USP34: variants seen among roughly 807,000 people sequenced by gnomAD.
USP34 encodes ubiquitin specific peptidase 34.
Under a neutral mutation model 460.3 loss-of-function variants are expected in USP34, and 70 were observed. The ratio of observed to expected loss-of-function variants is 0.15; its 90% CI spans 0.13 to 0.19. The LOEUF (loss-of-function observed/expected upper bound fraction) is 0.19, where lower values mean the gene tolerates loss of function less well. Ranked by LOEUF, USP34 falls within the 10% of genes least tolerant of loss-of-function variation. The pLI, the probability that USP34 is intolerant of heterozygous loss-of-function variation, is 1.00. For synonymous variants in USP34, 1,647 were observed against 1,405.3 expected (o/e 1.17, Z -3.85); for missense variants, 3,985 against 4,236.2 (o/e 0.94, Z 1.65).
At chr2:61,221,112 G>A (rs1176161055) in intron 66 of USP34, among the ~76,000 whole-genome samples, 1 of 152,164 alleles carries the variant, frequency 6.6e-6, no homozygotes, top group Non-Finnish European at 1.5e-5. Flanking sequence ...CTGTCCCCTG[G>A]TCTTGAGCTT....
chr2:61,321,514 T>C (rs974691440), intron 21 of USP34, among the ~76,000 whole-genome samples: 7 of 152,170 alleles, frequency 4.6e-5, no homozygotes, highest in Admixed American at 1.3e-4. Flanking sequence ...GTATTTCTTA[T>C]GTCATCCTAT....
intron 23 of USP34, among the ~76,000 whole-genome samples, chr2:61,315,374 AT>A (rs776500310): frequency 2.6e-3 from 370 of 143,922 alleles, no homozygotes; most frequent in Non-Finnish European, 3.3e-3. Context: ...TTCTCACCCA[AT>A]TTTTTTTTTT....
At chr2:61,350,803 T>C in intron 10 of USP34, 110 bp from the exon 11 acceptor site, 1 of 1,125,550 alleles carries the variant, frequency 8.9e-7, no homozygotes, top group Non-Finnish European at 1.2e-6. Flanking sequence ...CACTAATATT[T>C]TTTAATATGA....
chr2:61,214,938 C>A (rs558054100), intron 67 of USP34, among the ~76,000 whole-genome samples: 31 of 152,274 alleles, frequency 2.0e-4, no homozygotes, highest in African/African-American at 7.0e-4. Flanking sequence ...TTTTAAACCA[C>A]TTTTCTTTAG....
intron 33 of USP34, among the ~76,000 whole-genome samples, chr2:61,292,307 T>G (rs928561889): frequency 6.6e-6 from 1 of 152,148 alleles, no homozygotes; most frequent in Non-Finnish European, 1.5e-5. Flanking sequence ...TTAAGAGAGA[T>G]GCACTATAAA....
At chr2:61,430,706 G>A (rs1694644852) in intron 1 of USP34, among the ~76,000 whole-genome samples, 1 of 152,126 alleles carries the variant, frequency 6.6e-6, no homozygotes. Flanking sequence ...GAAGGAAAAG[G>A]TAGAATTTTT....
chr2:61,466,843 T>G (rs1573075126), intron 1 of USP34, among the ~76,000 whole-genome samples: 2 of 144,310 alleles, frequency 1.4e-5, no homozygotes, highest in Non-Finnish European at 1.5e-5. Flanking sequence ...ATCCGGGAGG[T>G]GGAGGTTGCA....
intron 3 of USP34, among the ~76,000 whole-genome samples, chr2:61,401,894 A>C (rs959102228): frequency 6.6e-5 from 10 of 151,510 alleles, no homozygotes; most frequent in African/African-American, 2.2e-4. Flanking sequence ...TTAGAAAAAA[A>C]CTTACAACAC....
At chr2:61,304,353 T>C (rs1416646150) in intron 27 of USP34, among the ~76,000 whole-genome samples, 1 of 152,246 alleles carries the variant, frequency 6.6e-6, no homozygotes, top group Non-Finnish European at 1.5e-5. Context: ...TGACTAGCAA[T>C]TTATTTAGCA....
intron 53 of USP34, among the ~76,000 whole-genome samples, chr2:61,237,099 T>C (rs781618544): frequency 6.6e-6 from 1 of 152,138 alleles, no homozygotes; most frequent in Non-Finnish European, 1.5e-5. Flanking sequence ...ACTACACTAA[T>C]TTAGAACTTA....
chr2:61,455,564 G>C (rs1444813535), intron 1 of USP34, among the ~76,000 whole-genome samples: 2 of 152,020 alleles, frequency 1.3e-5, no homozygotes, highest in African/African-American at 2.4e-5. Flanking sequence ...TTTGAGCCTG[G>C]AAGTTCAAGA....
At chr2:61,243,305 C>G (rs578207095) in intron 51 of USP34, among the ~76,000 whole-genome samples, 1 of 152,082 alleles carries the variant, frequency 6.6e-6, no homozygotes, top group Non-Finnish European at 1.5e-5. Flanking sequence ...CGCCACCACG[C>G]CCGGCTAATT....
At chr2:61,241,277 C>T (rs868796131) in intron 53 of USP34, among the ~76,000 whole-genome samples, 3 of 152,104 alleles carry the variant, frequency 2.0e-5, no homozygotes, top group South Asian at 4.2e-4. Flanking sequence ...CCCCTGACCT[C>T]GTGATCTACC....
chr2:61,386,917 GAAT>G (rs1207446486), intron 5 of USP34, among the ~76,000 whole-genome samples: 1 of 152,050 alleles, frequency 6.6e-6, no homozygotes, highest in African/African-American at 2.4e-5. Context: ...GAAGCTTGAT[GAAT>G]AATATTTCTT....
At chr2:61,326,785 T>C (rs1425306779) in intron 20 of USP34, among the ~76,000 whole-genome samples, 2 of 148,856 alleles carry the variant, frequency 1.3e-5, no homozygotes, top group Non-Finnish European at 3.0e-5. Context: ...GCATTTTTTT[T>C]TTTTTTTTTT....
At chr2:61,388,230 T>G (rs1693227563) in intron 5 of USP34, among the ~76,000 whole-genome samples, 1 of 151,506 alleles carries the variant, frequency 6.6e-6, no homozygotes, top group African/African-American at 2.4e-5. Context: ...GTGACAAGAG[T>G]AAGACACTGT....
At chr2:61,457,850 AAAAC>A (rs1418662855) in intron 1 of USP34, among the ~76,000 whole-genome samples, 1 of 152,156 alleles carries the variant, frequency 6.6e-6, no homozygotes, top group Non-Finnish European at 1.5e-5. Flanking sequence ...CCTGTCTCCA[AAAAC>A]AAACAGCAGC....
At chr2:61,444,325 G>C (rs1453887275) in intron 1 of USP34, among the ~76,000 whole-genome samples, 1 of 152,046 alleles carries the variant, frequency 6.6e-6, no homozygotes, top group Non-Finnish European at 1.5e-5. Context: ...AAAATTGATA[G>C]ATGGCTTTAA....
intron 75 of USP34, among the ~76,000 whole-genome samples, chr2:61,196,247 ATTTTTTT>A (rs1232973598): frequency 7.3e-6 from 1 of 136,164 alleles, no homozygotes; most frequent in Non-Finnish European, 1.6e-5. Flanking sequence ...TGCCTGGCTA[ATTTTTTT>A]TTTTTTTTTG....
Sources: allele counts gnomAD v4.1 joint callset (sites outside exome capture counted in the v4.1 genomes callset), GRCh38; gene constraint gnomAD v4.1.1; transcripts MANE v1.5; gene names NCBI Gene and HGNC (gene_info 2026-07-23, HGNC 2026-07-21).